The following PACRG variants were observed in gnomAD, a reference collection of about 807,000 sequenced individuals.
PACRG encodes the protein parkin coregulated gene protein.
A neutral mutation model predicts 29.7 loss-of-function variants in PACRG; 29 were observed. The ratio of observed to expected loss-of-function variants is 0.98; its 90% CI spans 0.73 to 1.33. The LOEUF (loss-of-function observed/expected upper bound fraction) is 1.33. Among genes scored for constraint, PACRG ranks in the 40% most tolerant of loss-of-function variants. The pLI, the probability that PACRG is intolerant of heterozygous loss-of-function variation, is 0.00. For synonymous variants in PACRG, 116 were observed against 118.7 expected (o/e 0.98, Z 0.15); for missense variants, 279 against 316.2 (o/e 0.88, Z 0.89).
chr6:163,199,384 G>A (rs2128148618), intron 4 of PACRG, among the ~76,000 whole-genome samples: 1 of 152,304 alleles, frequency 6.6e-6, no homozygotes, highest in Non-Finnish European at 1.5e-5. Flanking sequence ...TCCAGGGTTT[G>A]TGTCAGCCGC....
intron 2 of PACRG, among the ~76,000 whole-genome samples, chr6:163,028,950 AGG>A (rs1174956215): frequency 2.6e-5 from 4 of 152,218 alleles, no homozygotes; most frequent in Non-Finnish European, 5.9e-5. Context: ...ACACAGCAAA[AGG>A]GACATGGCAG....
At chr6:163,214,893 T>C (rs550319720) in intron 4 of PACRG, among the ~76,000 whole-genome samples, 1 of 152,324 alleles carries the variant, frequency 6.6e-6, no homozygotes, top group South Asian at 2.1e-4. Context: ...TCATTAAGCT[T>C]CATGCTGGCT....
At chr6:163,278,991 G>C (rs1204370699) in intron 4 of PACRG, among the ~76,000 whole-genome samples, 2 of 152,050 alleles carry the variant, frequency 1.3e-5, no homozygotes, top group African/African-American at 4.8e-5. Context: ...ATTTGTTTTT[G>C]TCATCTATGA....
chr6:162,898,383 T>C (rs1325543142), intron 2 of PACRG, among the ~76,000 whole-genome samples: 4 of 152,176 alleles, frequency 2.6e-5, no homozygotes, highest in Admixed American at 2.6e-4. Context: ...GAAGTGAGAT[T>C]CTATGTAAGA....
At position 162,921,486 on chromosome 6, in the gene PACRG, C is replaced by T. The variant is rs150742921; in HGVS notation, c.291+107205C>T. On this transcript the variant is annotated intron_variant, in intron 2 of 4. Transcript: ENST00000366888. ...GACCTCTGGGGGTGTTTTGCTTCCT[C>T]TTCTTGACACTTTTGTTCATCAAAA... 3.4e-3 allele frequency among the ~76,000 whole-genome samples: 520 copies of T among 152,270 alleles called. 2 individuals carry two copies. Among genetic ancestry groups the T allele is most frequent in the Non-Finnish European group, 5.8e-3 (393 of 68,016 alleles).
intron 2 of PACRG, among the ~76,000 whole-genome samples, chr6:162,829,495 T>C (rs551863885): frequency 6.6e-6 from 1 of 152,340 alleles, no homozygotes; most frequent in Admixed American, 6.5e-5. Flanking sequence ...ATTTATTAAG[T>C]GCAGTGAAAA....
intron 2 of PACRG, among the ~76,000 whole-genome samples, chr6:162,899,382 A>G (rs1795393213): frequency 6.6e-6 from 1 of 152,152 alleles, no homozygotes; most frequent in African/African-American, 2.4e-5. Flanking sequence ...GTCAGGGCCC[A>G]GAGGACGTCT....
chr6:162,751,954 T>C (rs1042085660), intron 1 of PACRG, among the ~76,000 whole-genome samples: 1 of 152,214 alleles, frequency 6.6e-6, no homozygotes, highest in Non-Finnish European at 1.5e-5. Context: ...AATTTGTTTC[T>C]ATGTTGAACT....
chr6:162,814,201 G>A lies in PACRG; in HGVS notation c.211G>A (p.Ala71Thr), dbSNP rs1787128173. 4 of 1,613,662 alleles carry A rather than the reference G, an allele frequency of 2.5e-6. No homozygotes were observed. In the Admixed American group the frequency reaches 5.0e-5, roughly 20 times the overall value. Residue 71 changes from alanine (A) to threonine (T), a missense_variant, in exon 2 of 5, where the codon GCA (alanine) becomes ACA (threonine). By Grantham distance (58) the Ala-to-Thr change is moderately conservative. Coordinates refer to ENST00000366888, the MANE Select transcript of PACRG (RefSeq NM_001080379.2). The stretch of plus-strand genomic sequence containing the variant: ...TAAAGAAAGACCAACCAAGCCCACA[G>A]CATTTCGAAAATTCTATGAGCGAGG... Reference protein sequence around the residue: ...AFKERPTKPTAFRKFYERGDF... With the variant: ...AFKERPTKPTTFRKFYERGDF...
intron 2 of PACRG, among the ~76,000 whole-genome samples, chr6:163,013,641 A>C (rs190927318): frequency 1.3e-5 from 2 of 152,308 alleles, no homozygotes; most frequent in East Asian, 3.9e-4. Flanking sequence ...ACTCTGAAAG[A>C]AACTCGTGGG....
chr6:162,833,130 G>A (rs1251473272), intron 2 of PACRG, among the ~76,000 whole-genome samples: 1 of 152,010 alleles, frequency 6.6e-6, no homozygotes, highest in Non-Finnish European at 1.5e-5. Flanking sequence ...GGTGAGTTAT[G>A]AAAAATAATA....
chr6:162,788,393 A>G (rs1039350867), intron 1 of PACRG, among the ~76,000 whole-genome samples: 1 of 149,746 alleles, frequency 6.7e-6, no homozygotes, highest in Non-Finnish European at 1.5e-5. Context: ...GATATACCAC[A>G]GTTTATTTAT....
chr6:163,018,863 T>C (rs1437357419), intron 2 of PACRG, among the ~76,000 whole-genome samples: 1 of 152,178 alleles, frequency 6.6e-6, no homozygotes, highest in African/African-American at 2.4e-5. Flanking sequence ...TATCTTCATC[T>C]GTCATTTTCT....
intron 2 of PACRG, among the ~76,000 whole-genome samples, chr6:162,972,841 G>A (rs1801643577): frequency 1.3e-5 from 2 of 151,716 alleles, no homozygotes; most frequent in South Asian, 2.1e-4. Context: ...AGTAAACAAT[G>A]TGCTCTGATA....
At chr6:162,931,228 C>T (rs192034796) in intron 2 of PACRG, among the ~76,000 whole-genome samples, 69 of 151,926 alleles carry the variant, frequency 4.5e-4, no homozygotes, top group Non-Finnish European at 8.8e-4. Context: ...ACTTCTTTAT[C>T]AGATGTATGC....
At chr6:163,023,395 G>A (rs1235081763) in intron 2 of PACRG, among the ~76,000 whole-genome samples, 1 of 152,176 alleles carries the variant, frequency 6.6e-6, no homozygotes, top group Non-Finnish European at 1.5e-5. Context: ...TTGCTGCAAA[G>A]GACATGATTT....
chr6:163,243,076 G>A (rs1383289667), intron 4 of PACRG, among the ~76,000 whole-genome samples: 1 of 152,228 alleles, frequency 6.6e-6, no homozygotes, highest in African/African-American at 2.4e-5. Flanking sequence ...AACCTGGGGA[G>A]ACCAACCATG....
chr6:163,302,808 C>T (rs4708986), intron 4 of PACRG, among the ~76,000 whole-genome samples: 32,057 of 152,006 alleles, frequency 0.21, 4,466 homozygotes, highest in African/African-American at 0.39. Context: ...TGAGTTTATC[C>T]ATTTAATTAT....
chr6:162,786,724 T>TTG (rs1784494311), intron 1 of PACRG, among the ~76,000 whole-genome samples: 1 of 79,106 alleles, frequency 1.3e-5, no homozygotes, highest in South Asian at 5.5e-4. Flanking sequence ...TAGCAAGTGG[T>TTG]TTTTTTTTTT....
Sources: gnomAD v4.1 joint callset for allele counts (sites outside exome capture counted in the v4.1 genomes callset) on GRCh38, gnomAD v4.1.1 for gene constraint, MANE v1.5 for transcripts, NCBI Gene and HGNC (gene_info 2026-07-23, HGNC 2026-07-21) for gene names.